The following KIF26B variants were observed in gnomAD, a reference collection of about 807,000 sequenced individuals.
KIF26B encodes the protein kinesin-like protein KIF26B.
In KIF26B, 63 loss-of-function variants were observed where a neutral mutation model predicts 151.2. The observed-to-expected ratio is 0.42, with a 90% CI of 0.34 to 0.51. KIF26B has a LOEUF of 0.51. Among genes scored for constraint, KIF26B ranks in the 20% least tolerant of loss-of-function variants. KIF26B has a pLI of 0.07. For synonymous variants in KIF26B, 1,357 were observed against 1,262.1 expected, an observed-to-expected ratio of 1.08 and a Z score of -1.59; for missense variants, 2,813 against 2,913.6, an observed-to-expected ratio of 0.97 and a Z score of 0.79.
Position 245,613,464 on chromosome 1 carries a change from G to A in KIF26B, c.2098+1488G>A, listed in dbSNP as rs186805656. Among the ~76,000 whole-genome samples, 4 of 152,158 alleles carry A rather than the reference G, an allele frequency of 2.6e-5. No individual in the cohort carries two copies. In the East Asian group the frequency reaches 5.8e-4, roughly 22 times the overall value. ...CTAAAAATAAAAAAATTAGCTGGGCGTGGTGGCACACACCTCCCAGCTAGT... is the reference window on the plus strand; with the variant it reads ...CTAAAAATAAAAAAATTAGCTGGGCATGGTGGCACACACCTCCCAGCTAGT... On this transcript the variant is annotated intron_variant, in intron 9 of 14. Transcript: ENST00000407071.
intron 5 of KIF26B, among the ~76,000 whole-genome samples, chr1:245,556,899 C>A (rs1052482102): frequency 6.6e-6 from 1 of 151,044 alleles, no homozygotes; most frequent in Non-Finnish European, 1.5e-5. Context: ...TGCAATGGCT[C>A]ACCACAGTCA....
intron 2 of KIF26B, among the ~76,000 whole-genome samples, chr1:245,262,417 C>T (rs1670663455): frequency 6.6e-6 from 1 of 152,020 alleles, no homozygotes; most frequent in East Asian, 1.9e-4. Context: ...GTAGAGTCTG[C>T]AGTGAGGGAA....
intron 3 of KIF26B, among the ~76,000 whole-genome samples, chr1:245,370,945 G>C (rs1673104533): frequency 6.6e-6 from 1 of 152,198 alleles, no homozygotes; most frequent in South Asian, 2.1e-4. Flanking sequence ...TGAGGTCCTT[G>C]CAGTGGGACA....
At chr1:245,610,945 C>A (rs986928630) in intron 8 of KIF26B, among the ~76,000 whole-genome samples, 1 of 152,178 alleles carries the variant, frequency 6.6e-6, no homozygotes, top group Non-Finnish European at 1.5e-5. Flanking sequence ...ACATGTACTG[C>A]AAATTAGTTC....
intron 10 of KIF26B, among the ~76,000 whole-genome samples, chr1:245,646,640 T>C (rs898350780): frequency 2.0e-5 from 3 of 152,138 alleles, no homozygotes; most frequent in African/African-American, 7.2e-5. Context: ...GGCTTATCCT[T>C]AGGGGTAGGG....
chr1:245,509,957 C>T (rs922681577), intron 4 of KIF26B, among the ~76,000 whole-genome samples: 2 of 152,222 alleles, frequency 1.3e-5, no homozygotes, highest in African/African-American at 4.8e-5. Flanking sequence ...TGTCTCTGCT[C>T]CATGCCACGC....
At chr1:245,444,411 C>A (rs1019309002) in intron 4 of KIF26B, among the ~76,000 whole-genome samples, 1 of 152,118 alleles carries the variant, frequency 6.6e-6, no homozygotes, top group Non-Finnish European at 1.5e-5. Flanking sequence ...GGCTAAGCAG[C>A]AGCGTGGCGA....
intron 4 of KIF26B, among the ~76,000 whole-genome samples, chr1:245,450,585 C>T (rs1048053236): frequency 6.6e-6 from 1 of 152,172 alleles, no homozygotes; most frequent in Non-Finnish European, 1.5e-5. Context: ...ATTGTTGGTG[C>T]CTTTGGTAAA....
chr1:245,390,666 A>G (rs1328104542), intron 3 of KIF26B, among the ~76,000 whole-genome samples: 1 of 152,168 alleles, frequency 6.6e-6, no homozygotes, highest in African/African-American at 2.4e-5. Context: ...ACTTGAAGGA[A>G]TAACAAACCA....
At chr1:245,678,362 T>C (rs2044381820) in intron 10 of KIF26B, among the ~76,000 whole-genome samples, 1 of 152,128 alleles carries the variant, frequency 6.6e-6, no homozygotes, top group South Asian at 2.1e-4. Flanking sequence ...CGACGCGTTC[T>C]GGCACGTTGC....
At chr1:245,443,693 TGCGGTCATCTCCCTCACTGTTCACCTAGA>T (rs1466245795) in intron 4 of KIF26B, among the ~76,000 whole-genome samples, 1 of 86,932 alleles carries the variant, frequency 1.2e-5, no homozygotes, top group Non-Finnish European at 2.4e-5. Flanking sequence ...CTGTTCACCC[TGCGGTCATCTCCCTCACTGTTCACCTAGA>T]GCGGTCATCT....
chr1:245,396,031 G>A (rs538771883), intron 3 of KIF26B, among the ~76,000 whole-genome samples: 8 of 152,260 alleles, frequency 5.3e-5, no homozygotes, highest in Middle Eastern at 3.4e-3. Flanking sequence ...GAAAATCCTG[G>A]CTTTATGGAG....
chr1:245,591,574 C>T (rs1467554845), intron 5 of KIF26B, among the ~76,000 whole-genome samples: 1 of 152,158 alleles, frequency 6.6e-6, no homozygotes, highest in African/African-American at 2.4e-5. Flanking sequence ...AGGCCATGTG[C>T]CCTGTAAGTC....
intron 8 of KIF26B, among the ~76,000 whole-genome samples, chr1:245,610,573 G>A (rs1281348740): frequency 6.6e-6 from 1 of 152,218 alleles, no homozygotes; most frequent in East Asian, 1.9e-4. Context: ...TGTCTGTGAT[G>A]CAATCAGTAG....
At chr1:245,692,607 G>GC (rs1558276639) in intron 12 of KIF26B, among the ~76,000 whole-genome samples, 1 of 152,030 alleles carries the variant, frequency 6.6e-6, no homozygotes, top group African/African-American at 2.4e-5. Flanking sequence ...GCTAGCAAAC[G>GC]CAAGCCACAG....
chr1:245,690,025 T>C (rs954910695), intron 12 of KIF26B, among the ~76,000 whole-genome samples: 1 of 151,958 alleles, frequency 6.6e-6, no homozygotes, highest in African/African-American at 2.4e-5. Flanking sequence ...CTGGAGGTCT[T>C]GGGGTAGGAG....
intron 2 of KIF26B, among the ~76,000 whole-genome samples, chr1:245,301,302 G>A (rs537065561): frequency 3.1e-4 from 47 of 152,334 alleles, no homozygotes; most frequent in African/African-American, 1.1e-3. Context: ...TTGGAACTGA[G>A]CTTGAGCAGG....
intron 10 of KIF26B, among the ~76,000 whole-genome samples, chr1:245,660,680 C>T (rs1202979974): frequency 1.3e-5 from 2 of 152,124 alleles, no homozygotes; most frequent in African/African-American, 4.8e-5. Context: ...AAGGTGGCTA[C>T]TTAGCTTGGC....
In KIF26B at chr1:245,311,460, G is replaced by A. The variant is rs773004317; in HGVS notation, c.466-55374G>A. Among the ~76,000 whole-genome samples, 9 of 152,012 alleles carry A rather than the reference G, an allele frequency of 5.9e-5. 1 individual carries two copies. Among genetic ancestry groups the A allele is most frequent in the Non-Finnish European group, 8.8e-5 (6 of 67,994 alleles). On this transcript the variant is annotated intron_variant, in intron 2 of 14. Transcript: ENST00000407071. ...GGGGAAGTTCCACCTCACTGCAGCC[G>A]GGTATGGTGGTTTGCTCCTGTAGTC...
Sources: gnomAD v4.1 joint callset for allele counts (sites outside exome capture counted in the v4.1 genomes callset) on GRCh38, gnomAD v4.1.1 for gene constraint, MANE v1.5 for transcripts, NCBI Gene and HGNC (gene_info 2026-07-23, HGNC 2026-07-21) for gene names.